The following NEGR1 variants were observed in gnomAD, a reference collection of about 807,000 sequenced individuals.
NEGR1 encodes neuronal growth regulator 1.
In NEGR1, 10 loss-of-function variants were observed where a neutral mutation model predicts 40.9. The ratio of observed to expected loss-of-function variants is 0.24; its 90% CI spans 0.15 to 0.42. NEGR1 has a LOEUF of 0.42. Among genes scored for constraint, NEGR1 ranks in the 10% least tolerant of loss-of-function variants. The pLI is 1.00. For missense variants in NEGR1, 352 were observed against 438.9 expected, an observed-to-expected ratio of 0.80 and a Z score of 1.77; for synonymous variants, 185 against 166.8, an observed-to-expected ratio of 1.11 and a Z score of -0.84.
intron 1 of NEGR1, among the ~76,000 whole-genome samples, chr1:72,044,787 A>T (rs1343510098): frequency 6.6e-6 from 1 of 151,882 alleles, no homozygotes; most frequent in Non-Finnish European, 1.5e-5. Flanking sequence ...AAGGAAAATT[A>T]TCAGATGTAT....
intron 1 of NEGR1, among the ~76,000 whole-genome samples, chr1:72,179,732 T>G (rs1441169155): frequency 6.6e-6 from 1 of 151,994 alleles, no homozygotes; most frequent in East Asian, 1.9e-4. Flanking sequence ...TAAGTAGCAT[T>G]TTTATACATA....
At chr1:72,062,108 A>G (rs1647186652) in intron 1 of NEGR1, among the ~76,000 whole-genome samples, 2 of 151,852 alleles carry the variant, frequency 1.3e-5, no homozygotes, top group Non-Finnish European at 2.9e-5. Context: ...CCAAATTGGC[A>G]TGGGCTTTAT....
chr1:72,022,098 G>A (rs1646763447), intron 1 of NEGR1, among the ~76,000 whole-genome samples: 1 of 151,840 alleles, frequency 6.6e-6, no homozygotes. Flanking sequence ...TGGCGCCACT[G>A]CACTCCAGCC....
chr1:71,979,002 C>A (rs889958080), intron 1 of NEGR1, among the ~76,000 whole-genome samples: 2 of 151,990 alleles, frequency 1.3e-5, no homozygotes, highest in African/African-American at 2.4e-5. Context: ...GGTACATATA[C>A]ACTATAAAAT....
Position 71,760,234 on chromosome 1 carries a change from T to C in NEGR1, c.535+15938A>G, listed in dbSNP as rs537716468. 3.9e-5 allele frequency among the ~76,000 whole-genome samples: 6 copies of C among 152,294 alleles called. No individual in the cohort carries two copies. The East Asian group carries it at 7.7e-4, about 20-fold the overall frequency. ...ATGGGTAAGCACCTTCCTCGAAGTA[T>C]TGTGGATTTATTTTTATAGTGATTC... On this transcript the variant is annotated intron_variant, in intron 3 of 6. Coordinates refer to ENST00000357731, the MANE Select transcript of NEGR1 (RefSeq NM_173808.3).
chr1:71,821,366 A>G (rs558741035), intron 2 of NEGR1, among the ~76,000 whole-genome samples: 5 of 152,150 alleles, frequency 3.3e-5, no homozygotes, highest in Non-Finnish European at 7.4e-5. Context: ...AGGCTGTCCA[A>G]AACTATTTGA....
chr1:71,565,834 T>C (rs1266366526), intron 6 of NEGR1, among the ~76,000 whole-genome samples: 4 of 152,210 alleles, frequency 2.6e-5, no homozygotes, highest in East Asian at 1.9e-4. Flanking sequence ...TATACAATTC[T>C]ATAAGTTTTT....
chr1:71,606,021 T>C (rs754988712), intron 5 of NEGR1, among the ~76,000 whole-genome samples: 7 of 152,214 alleles, frequency 4.6e-5, no homozygotes, highest in Non-Finnish European at 8.8e-5. Flanking sequence ...TTGATATTCA[T>C]GTCCCTGTGC....
intron 6 of NEGR1, among the ~76,000 whole-genome samples, chr1:71,552,910 G>T (rs1198293501): frequency 6.6e-6 from 1 of 151,420 alleles, no homozygotes; most frequent in African/African-American, 2.4e-5. Context: ...AAATGGCATT[G>T]ACAGGAAAAG....
chr1:72,108,779 C>A (rs529550710), intron 1 of NEGR1, among the ~76,000 whole-genome samples: 1 of 151,696 alleles, frequency 6.6e-6, no homozygotes, highest in South Asian at 2.1e-4. Flanking sequence ...GAACAATGAA[C>A]CGAGCCTCCT....
chr1:72,010,580 C>G (rs1646647331), intron 1 of NEGR1, among the ~76,000 whole-genome samples: 1 of 152,028 alleles, frequency 6.6e-6, no homozygotes, highest in Non-Finnish European at 1.5e-5. Flanking sequence ...GCAATATTCT[C>G]TCCTGGGTAT....
At chr1:72,039,904 A>G (rs1226178975) in intron 1 of NEGR1, among the ~76,000 whole-genome samples, 3 of 151,948 alleles carry the variant, frequency 2.0e-5, no homozygotes, top group Non-Finnish European at 4.4e-5. Flanking sequence ...GTTTCTGATG[A>G]TATAGAAAGC....
chr1:72,025,465 T>C (rs1028796055), intron 1 of NEGR1, among the ~76,000 whole-genome samples: 3 of 152,154 alleles, frequency 2.0e-5, no homozygotes, highest in African/African-American at 4.8e-5. Context: ...AATAATTCAT[T>C]GATTCAATAA....
rs34592789 is a variant in NEGR1, at chr1:71,873,118, C to CAAAAAAAAAAAAA, written c.409+61948_409+61960dup. Among the ~76,000 whole-genome samples, 24 of 81,796 alleles carry CAAAAAAAAAAAAA rather than the reference C, an allele frequency of 2.9e-4. 1 individual carries two copies. The highest frequency in any genetic ancestry group is 3.7e-4 in the East Asian group (1 of 2,726). 53.7% of individuals were successfully genotyped at this position (81,796 alleles called of 152,430 possible). On this transcript the variant is annotated intron_variant, in intron 2 of 6. Transcript: ENST00000357731. The stretch of plus-strand genomic sequence containing the variant: ...TGAAATTGAATCCCTAAAGATGTAG[C>CAAAAAAAAAAAAA]AAAAAAAAAAAAAAAAAAAAAGACA...
intron 2 of NEGR1, among the ~76,000 whole-genome samples, chr1:71,836,294 A>G (rs1410456000): frequency 2.6e-5 from 4 of 151,880 alleles, no homozygotes; most frequent in Admixed American, 2.6e-4. Flanking sequence ...TCTACTGAAA[A>G]TACAAAAATT....
At chr1:72,125,085 T>A (rs920995897) in intron 1 of NEGR1, among the ~76,000 whole-genome samples, 1 of 152,122 alleles carries the variant, frequency 6.6e-6, no homozygotes, top group East Asian at 1.9e-4. Context: ...AATTAGGTTG[T>A]AAAGAGTGAC....
chr1:72,153,941 G>T (rs1417290298), intron 1 of NEGR1, among the ~76,000 whole-genome samples: 1 of 151,664 alleles, frequency 6.6e-6, no homozygotes, highest in Non-Finnish European at 1.5e-5. Flanking sequence ...GATTAGTATA[G>T]TAGAAAGCAG....
At chr1:72,029,726 G>A (rs1041116493) in intron 1 of NEGR1, among the ~76,000 whole-genome samples, 1 of 152,130 alleles carries the variant, frequency 6.6e-6, no homozygotes, top group Non-Finnish European at 1.5e-5. Flanking sequence ...ATGTCATAGA[G>A]TAATTCTAAG....
chr1:71,723,007 T>G (rs955450010), intron 3 of NEGR1, among the ~76,000 whole-genome samples: 1 of 148,614 alleles, frequency 6.7e-6, no homozygotes, highest in East Asian at 2.0e-4. Flanking sequence ...TCATAGAAAA[T>G]GTACTTTTCC....
Sources: gnomAD v4.1 joint callset for allele counts (sites outside exome capture counted in the v4.1 genomes callset) on GRCh38, gnomAD v4.1.1 for gene constraint, MANE v1.5 for transcripts, NCBI Gene and HGNC (gene_info 2026-07-23, HGNC 2026-07-21) for gene names.